KCNQ1: variants seen among roughly 807,000 people sequenced by gnomAD.
KCNQ1 encodes potassium voltage-gated channel subfamily Q member 1.
KCNQ1 carries 49 observed loss-of-function variants against 72.4 expected under a neutral mutation model. The observed-to-expected ratio is 0.68, with a 90% CI of 0.54 to 0.86. The LOEUF is 0.86. Ranked by LOEUF, KCNQ1 falls within the 40% of genes least tolerant of loss-of-function variation. The pLI is 0.00. For missense variants in KCNQ1, 790 were observed against 945.1 expected (o/e 0.84, Z 2.15); for synonymous variants, 450 against 412.6 (o/e 1.09, Z -1.10).
chr11:2,489,374 A>T (rs1368487914), intron 1 of KCNQ1, among the ~76,000 whole-genome samples: 1 of 152,224 alleles, frequency 6.6e-6, no homozygotes, highest in African/African-American at 2.4e-5. Context: ...GCCAGAGGGG[A>T]ATCACATATC....
intron 11 of KCNQ1, chr11:2,693,936 A>G (rs1323062534): frequency 2.5e-6 from 1 of 398,772 alleles, no homozygotes; most frequent in Non-Finnish European, 4.4e-6. Context: ...GTATCCGCTG[A>G]GAACCACTCA....
At chr11:2,844,632 G>A (rs1236539859) in intron 15 of KCNQ1, among the ~76,000 whole-genome samples, 4 of 152,216 alleles carry the variant, frequency 2.6e-5, no homozygotes, top group Admixed American at 6.5e-5. Context: ...AGTGGCTCAG[G>A]ACTGAGCGCT....
rs1849079949 is a variant in KCNQ1, at chr11:2,617,117, A to G, written c.1393+28263A>G. The G allele has an allele frequency of 2.5e-6, 1 of 398,182 alleles. No homozygotes were observed. The highest frequency in any genetic ancestry group is 1.3e-4 in the South Asian group (1 of 7,864). The allele number at this position is 398,182 out of a possible 1,614,324, so 24.7% of individuals were successfully genotyped here. Reference sequence around the variant, plus strand: ...AAGCTATGATCTACTCAATTGGCAAAAATTCCAAATGCAATATACTAACTA... The same window carrying G: ...AAGCTATGATCTACTCAATTGGCAAGAATTCCAAATGCAATATACTAACTA... On this transcript the variant is annotated intron_variant, in intron 10 of 15. Coordinates refer to ENST00000155840, the MANE Select transcript of KCNQ1 (RefSeq NM_000218.3). This position sits in a 1 kb window ranked among gnomAD's most constrained non-coding sequence, Gnocchi z 4.6.
intron 11 of KCNQ1, chr11:2,662,326 T>G (rs1849974727): frequency 3.5e-6 from 2 of 576,818 alleles, no homozygotes; most frequent in Admixed American, 6.1e-5. Flanking sequence ...GACTGATCAT[T>G]TTCCACTTGT....
rs957720527 is a variant in KCNQ1, at chr11:2,486,505, C to T, written c.386+41021C>T. ...AAAAATTTTTAATGTTCACGAAGTC[C>T]AAGTTGTCTACTTTTTGTTTTGTTG... On this transcript the variant is annotated intron_variant, in intron 1 of 15. Coordinates refer to ENST00000155840, the MANE Select transcript of KCNQ1 (RefSeq NM_000218.3). This position sits in a 1 kb window ranked among gnomAD's most constrained non-coding sequence, Gnocchi z 5.0. Among the ~76,000 whole-genome samples the T allele has an allele frequency of 1.4e-4, 21 of 152,110 alleles. No individual in the cohort carries two copies. The highest frequency in any genetic ancestry group is 4.8e-4 in the African/African-American group (20 of 41,418).
intron 8 of KCNQ1, among the ~76,000 whole-genome samples, chr11:2,586,800 A>G (rs1488477681): frequency 6.6e-6 from 1 of 152,080 alleles, no homozygotes; most frequent in Non-Finnish European, 1.5e-5. Flanking sequence ...GTGTGGGGGA[A>G]CATTCTCCAC....
rs1053555701 is a variant in KCNQ1 at position 2,678,659 on chromosome 11, G to T, written c.1514+16578G>T. 6 of 398,450 alleles carry T rather than the reference G, an allele frequency of 1.5e-5. No homozygotes were observed. The highest frequency in any genetic ancestry group is 4.4e-5 in the Admixed American group (1 of 22,710). 24.7% of individuals were successfully genotyped at this position (398,450 alleles called of 1,614,324 possible). ...TGGGAAGCTCATTTTCACAAATGCA[G>T]TCAACCAGGGGAATTCATGGCATGG... On this transcript the variant is annotated intron_variant, in intron 11 of 15. Coordinates refer to ENST00000155840, the MANE Select transcript of KCNQ1 (RefSeq NM_000218.3). This position sits in a 1 kb window ranked among gnomAD's most constrained non-coding sequence, Gnocchi z 4.9.
At chr11:2,838,204 G>C (rs866000744) in intron 15 of KCNQ1, among the ~76,000 whole-genome samples, 6 of 152,268 alleles carry the variant, frequency 3.9e-5, no homozygotes, top group African/African-American at 1.4e-4. Flanking sequence ...AAGGAAGCCA[G>C]ACTGACCTCA....
chr11:2,727,991 G>A (rs902786867), intron 11 of KCNQ1, among the ~76,000 whole-genome samples: 6 of 152,046 alleles, frequency 3.9e-5, no homozygotes, highest in South Asian at 4.1e-4. Flanking sequence ...CTTACCCTGC[G>A]TGAGGTTCAT....
chr11:2,608,774 C>T lies in KCNQ1; in HGVS notation c.1393+19920C>T. The T allele has an allele frequency of 2.5e-6, 1 of 398,628 alleles. No individual in the cohort carries two copies. Among genetic ancestry groups the T allele is most frequent in the Non-Finnish European group, 4.4e-6 (1 of 226,070 alleles). The allele number at this position is 398,628 out of a possible 1,614,324, so 24.7% of individuals were successfully genotyped here. On this transcript the variant is annotated intron_variant, in intron 10 of 15. Transcript: ENST00000155840. This position sits in a 1 kb window ranked among gnomAD's most constrained non-coding sequence, Gnocchi z 4.6. ...AAAGTGCTGGGATTACAGGTGTGAG[C>T]CACTGCAGCTAGCCTCGTTTTTTTG...
intron 8 of KCNQ1, among the ~76,000 whole-genome samples, chr11:2,587,165 C>T (rs1335582778): frequency 6.6e-6 from 1 of 152,214 alleles, no homozygotes; most frequent in Non-Finnish European, 1.5e-5. Context: ...CTCAGCCCTT[C>T]CTCACTGTGT....
chr11:2,662,227 C>T lies in KCNQ1; in HGVS notation c.1514+146C>T, dbSNP rs572126422. ...CCACTTGCCGTCTGCCTGGCCCCAA[C>T]ACGGAGGCACCAGGCAAGAGAGGAG... On this transcript the variant is annotated intron_variant, in intron 11 of 15. Transcript: ENST00000155840. 207 of 1,052,704 alleles carry T rather than the reference C, an allele frequency of 2.0e-4. 1 individual carries two copies. Among genetic ancestry groups the T allele is most frequent in the Admixed American group, 4.0e-4 (19 of 47,492 alleles). The allele number at this position is 1,052,704 out of a possible 1,614,324, so 65.2% of individuals were successfully genotyped here. A position where few individuals can be genotyped will look rare whatever the true frequency, so the allele number is the denominator to read the frequency against.
Position 2,735,263 on chromosome 11 carries a change from AGCCTGGCCCCTGGATGGCCAGAGAT to A in KCNQ1, c.1515-33574_1515-33550del, listed in dbSNP as rs1172376748. Among the ~76,000 whole-genome samples, 1 of 152,058 alleles carries A rather than the reference AGCCTGGCCCCTGGATGGCCAGAGAT, an allele frequency of 6.6e-6. No individual in the cohort carries two copies. The highest frequency in any genetic ancestry group is 1.5e-5 in the Non-Finnish European group (1 of 67,964). Reference sequence around the variant, plus strand: ...CACTTGCCCTGAGGCCCTGGGGGACAGCCTGGCCCCTGGATGGCCAGAGATGCCTGGGGCCCTGGGGTGGGAGGTG... The same window carrying A: ...CACTTGCCCTGAGGCCCTGGGGGACAGCCTGGGGCCCTGGGGTGGGAGGTG... On this transcript the variant is annotated intron_variant, in intron 11 of 15. Coordinates refer to ENST00000155840, the MANE Select transcript of KCNQ1 (RefSeq NM_000218.3). This position sits in a 1 kb window ranked among gnomAD's most constrained non-coding sequence, Gnocchi z 7.7.
chr11:2,447,753 C>T lies in KCNQ1; in HGVS notation c.386+2269C>T, dbSNP rs1432634349. Among the ~76,000 whole-genome samples the T allele has an allele frequency of 6.6e-6, 1 of 152,190 alleles. No individual in the cohort carries two copies. The highest frequency in any genetic ancestry group is 1.5e-5 in the Non-Finnish European group (1 of 68,016). ...AAATGAGAAATATTGTGGTTTCTGGCCTGAAGACGACAAGCCTGGCCTTGA... is the reference window on the plus strand; with the variant it reads ...AAATGAGAAATATTGTGGTTTCTGGTCTGAAGACGACAAGCCTGGCCTTGA... On this transcript the variant is annotated intron_variant, in intron 1 of 15. Transcript: ENST00000155840. This position sits in a 1 kb window ranked among gnomAD's most constrained non-coding sequence, Gnocchi z 7.6.
At chr11:2,633,338 G>A (rs1196598484) in intron 10 of KCNQ1, 1 of 398,322 alleles carries the variant, frequency 2.5e-6, no homozygotes, top group Non-Finnish European at 4.4e-6. Context: ...TCTCTTAATA[G>A]TTTATTATTT....
intron 11 of KCNQ1, among the ~76,000 whole-genome samples, chr11:2,709,456 T>C (rs1181101041): frequency 1.3e-5 from 2 of 152,158 alleles, no homozygotes; most frequent in Non-Finnish European, 2.9e-5. Context: ...GGTGTTCATT[T>C]TTGTTTTTGT....
chr11:2,788,140 C>G (rs1455375629), intron 15 of KCNQ1, among the ~76,000 whole-genome samples: 1 of 152,070 alleles, frequency 6.6e-6, no homozygotes, highest in Non-Finnish European at 1.5e-5. Flanking sequence ...TCTCATGGCC[C>G]CAGCGCCCCT....
rs187116776 is a variant in KCNQ1 at position 2,564,369 on chromosome 11, G to A, written c.478-6259G>A. Among the ~76,000 whole-genome samples the A allele has an allele frequency of 7.8e-4, 118 of 152,242 alleles. 4 individuals carry two copies. The East Asian group carries it at 0.015, about 20-fold the overall frequency. On this transcript the variant is annotated intron_variant, in intron 2 of 15. Transcript: ENST00000155840. This position sits in a 1 kb window ranked among gnomAD's most constrained non-coding sequence, Gnocchi z 4.5. ...AGCACTTTGGAAGGCTGAGGCGGGC[G>A]GATCACCTGAGGTCAGGAGTTTGAG...
chr11:2,470,902 A>G (rs1846441599), intron 1 of KCNQ1, among the ~76,000 whole-genome samples: 1 of 152,076 alleles, frequency 6.6e-6, no homozygotes, highest in South Asian at 2.1e-4. Flanking sequence ...GTGCTCTCAG[A>G]AATCTTTCCC....
Sources: gnomAD v4.1 joint callset for allele counts (sites outside exome capture counted in the v4.1 genomes callset) on GRCh38, gnomAD v4.1.1 for gene constraint, Gnocchi (gnomAD v3.1) non-coding constraint, MANE v1.5 for transcripts, NCBI Gene and HGNC (gene_info 2026-07-23, HGNC 2026-07-21) for gene names.